NDUFA13: variants seen among roughly 807,000 people sequenced by gnomAD.
The protein encoded by NDUFA13 is NADH dehydrogenase [ubiquinone] 1 alpha subcomplex subunit 13.
NDUFA13 carries 16 observed loss-of-function variants against 17.0 expected under a neutral mutation model. The ratio of observed to expected loss-of-function variants is 0.94; its 90% CI spans 0.64 to 1.43. The LOEUF is 1.43. NDUFA13 is among the 40% of genes most tolerant of loss of function. The pLI is 0.00. For synonymous variants in NDUFA13, 87 were observed against 78.4 expected, an observed-to-expected ratio of 1.11 and a Z score of -0.58; for missense variants, 228 against 206.7, an observed-to-expected ratio of 1.10 and a Z score of -0.63.
chr19:19,520,839 A>G (rs1210003798), intron 1 of NDUFA13, among the ~76,000 whole-genome samples: 3 of 152,088 alleles, frequency 2.0e-5, no homozygotes, highest in East Asian at 1.9e-4. Context: ...GCCATTTCCT[A>G]TCAGTGAAGT....
chr19:19,516,302 A>T lies in NDUFA13; in HGVS notation c.64A>T (p.Lys22Ter). The change falls in exon 1 of 5, where the codon AAA becomes TAA. Residue 22 changes from lysine (K) to a stop codon, truncating the protein, a stop_gained. Transcript: ENST00000507754. LOFTEE classifies it high-confidence loss of function. ...PPGGYGPIDY[K>*]RNLPRRGLSG... ...GGGGGGCTATGGGCCCATCGACTACAAACGGAACTTGCCGCGTCGAGGACT... is the reference window on the plus strand; with the variant it reads ...GGGGGGCTATGGGCCCATCGACTACTAACGGAACTTGCCGCGTCGAGGACT... 1 of 1,613,804 alleles carries T rather than the reference A, an allele frequency of 6.2e-7. No individual in the cohort carries two copies. The highest frequency in any genetic ancestry group is 8.5e-7 in the Non-Finnish European group (1 of 1,180,026).
chr19:19,527,618 T>C, intron 3 of NDUFA13, 83 bp from the exon 4 acceptor site: 1 of 1,160,866 alleles, frequency 8.6e-7, no homozygotes, highest in Non-Finnish European at 1.3e-6. Context: ...GAGGGAGGCT[T>C]GAAGGGGTGC....
At chr19:19,522,478 T>C (rs1324056324) in intron 1 of NDUFA13, among the ~76,000 whole-genome samples, 1 of 73,088 alleles carries the variant, frequency 1.4e-5, no homozygotes, top group Non-Finnish European at 2.7e-5. Context: ...TCTTTGATCC[T>C]TTTTTTTTTT....
At chr19:19,527,659 G>A (rs1340325688) in intron 3 of NDUFA13, 42 bp from the exon 4 acceptor site, 1 of 1,503,152 alleles carries the variant, frequency 6.7e-7, no homozygotes, top group Non-Finnish European at 9.1e-7. Flanking sequence ...GGCCCCTCAG[G>A]GCACTGAGGC....
In NDUFA13 at chr19:19,527,727, TGGA is replaced by T. The variant is rs1330152578; in HGVS notation, c.281_283del (p.Glu94del). The T allele has an allele frequency of 1.3e-6, 2 of 1,552,510 alleles. No individual in the cohort carries two copies. The highest frequency in any genetic ancestry group is 1.4e-5 in the African/African-American group (1 of 73,244). On this transcript the variant is annotated inframe_deletion, in exon 4 of 5. Transcript: ENST00000507754. ...ACCTTGCAGATGCTTCGGGAGAACC[TGGA>T]GGAGGAGGCCATCATCATGAAGGAC...
chr19:19,519,465 G>A (rs1185764676), intron 1 of NDUFA13, among the ~76,000 whole-genome samples: 1 of 152,126 alleles, frequency 6.6e-6, no homozygotes, highest in Non-Finnish European at 1.5e-5. Context: ...TAATGGTGTG[G>A]ACTTTTGTTA....
At chr19:19,518,848 T>G (rs1440158324) in intron 1 of NDUFA13, among the ~76,000 whole-genome samples, 1 of 149,354 alleles carries the variant, frequency 6.7e-6, no homozygotes, top group East Asian at 2.0e-4. Flanking sequence ...GTTTAAGCGA[T>G]TCTCCTGTCT....
At chr19:19,523,311 C>T (rs1015667042) in intron 1 of NDUFA13, among the ~76,000 whole-genome samples, 10 of 152,336 alleles carry the variant, frequency 6.6e-5, no homozygotes, top group South Asian at 2.1e-4. Context: ...TGGCCAAGGC[C>T]GGGCTCAGTG....
At chr19:19,516,827 G>C (rs1285596090) in intron 1 of NDUFA13, among the ~76,000 whole-genome samples, 2 of 151,700 alleles carry the variant, frequency 1.3e-5, no homozygotes, top group Non-Finnish European at 2.9e-5. Flanking sequence ...TGCTCTTGTT[G>C]CCCAGGCTGG....
chr19:19,527,518 A>G (rs1455675013), intron 3 of NDUFA13, 166 bp downstream of exon 3: 17 of 993,002 alleles, frequency 1.7e-5, no homozygotes, highest in Non-Finnish European at 2.5e-5. Flanking sequence ...CAAGGGGGCG[A>G]ACCGGAAGGC....
chr19:19,517,313 C>G (rs2061054360), intron 1 of NDUFA13, among the ~76,000 whole-genome samples: 1 of 151,600 alleles, frequency 6.6e-6, no homozygotes, highest in Non-Finnish European at 1.5e-5. Flanking sequence ...ACCTCCGCCT[C>G]CTGGGCTCAA....
At chr19:19,523,757 G>A (rs950390204) in intron 1 of NDUFA13, among the ~76,000 whole-genome samples, 4 of 152,088 alleles carry the variant, frequency 2.6e-5, no homozygotes, top group Non-Finnish European at 5.9e-5. Context: ...GTGAAACCTC[G>A]TCTCTACTAA....
chr19:19,522,407 TCA>T (rs1459463522), intron 1 of NDUFA13, among the ~76,000 whole-genome samples: 4 of 151,222 alleles, frequency 2.6e-5, no homozygotes, highest in Non-Finnish European at 5.9e-5. Flanking sequence ...TAGTTTGAGG[TCA>T]CAGAGAGTGA....
chr19:19,526,183 C>T lies in NDUFA13; in HGVS notation c.96C>T (p.Gly32=). The T allele has an allele frequency of 6.2e-7, 1 of 1,613,912 alleles. No homozygotes were observed. Among genetic ancestry groups the T allele is most frequent in the Non-Finnish European group, 8.5e-7 (1 of 1,179,970 alleles). ...KRNLPRRGLS[G]YSMLAIGIGT... is the part of the protein sequence containing the mutation. ...GCTGAGCAGCGCCTCTCTTCACAGGCTACAGCATGCTGGCCATAGGGATTG... is the reference window on the plus strand; with the variant it reads ...GCTGAGCAGCGCCTCTCTTCACAGGTTACAGCATGCTGGCCATAGGGATTG... The change falls in exon 2 of 5, where the codon GGC becomes GGT. Residue 32 remains glycine, a splice_region_variant and synonymous_variant. Coordinates refer to ENST00000507754, the MANE Select transcript of NDUFA13 (RefSeq NM_015965.7).
chr19:19,523,364 A>G (rs1031485267), intron 1 of NDUFA13, among the ~76,000 whole-genome samples: 5 of 152,162 alleles, frequency 3.3e-5, no homozygotes, highest in East Asian at 3.8e-4. Flanking sequence ...CTGAGGTGGG[A>G]GGATTGCTTG....
rs1045331077 is a variant in NDUFA13 at position 19,528,044 on chromosome 19, C to T, written c.353C>T (p.Pro118Leu). The T allele has an allele frequency of 1.2e-6, 2 of 1,612,538 alleles. No individual in the cohort carries two copies. The highest frequency in any genetic ancestry group is 3.3e-5 in the Admixed American group (2 of 59,988). ...GTGTTCCACACAACCCGCTGGGTGC[C>T]CCCCTTGATCGGGGAGCTGTACGGG... The part of the protein sequence containing the change: ...ESVFHTTRWV[P>L]PLIGELYGLR... The change falls in exon 5 of 5, where the codon CCC (proline) becomes CTC (leucine). Residue 118 changes from proline (P) to leucine (L), a missense_variant. Pro to Leu is a moderately conservative substitution (Grantham distance 98, BLOSUM62 -3). Transcript: ENST00000507754.
chr19:19,527,287 A>G lies in NDUFA13; in HGVS notation c.180A>G (p.Leu60=), dbSNP rs1276611031. 6.2e-7 allele frequency: 1 copy of G among 1,613,922 alleles called. No homozygotes were observed. The highest frequency in any genetic ancestry group is 8.5e-7 in the Non-Finnish European group (1 of 1,180,000). The change falls in exon 3 of 5, where the codon CTA becomes CTG. Residue 60 remains leucine (L), a synonymous_variant. Transcript: ENST00000507754. ...GGGTTTCGGGCTTTCACAGGCGCCTACAAATCGAGGACTTCGAGGCTCGCA... is the reference window on the plus strand; with the variant it reads ...GGGTTTCGGGCTTTCACAGGCGCCTGCAAATCGAGGACTTCGAGGCTCGCA... ...IMKWNRERRR[L]QIEDFEARIA...
In NDUFA13 at chr19:19,528,013, G is replaced by A. The variant is rs1481508394; in HGVS notation, c.322G>A (p.Glu108Lys). The A allele has an allele frequency of 1.9e-6, 3 of 1,612,610 alleles. No homozygotes were observed. Among genetic ancestry groups the A allele is most frequent in the Non-Finnish European group, 2.5e-6 (3 of 1,179,970 alleles). The change falls in exon 5 of 5, where the codon GAG becomes AAG. Residue 108 changes from glutamate to lysine, a missense_variant. Physicochemically the swap from Glu to Lys is moderately conservative, Grantham distance 56. Coordinates refer to ENST00000507754, the MANE Select transcript of NDUFA13 (RefSeq NM_015965.7). ...TACCCCACTGTCCCCACAGGTGGGG[G>A]AGTCTGTGTTCCACACAACCCGCTG... Reference protein sequence around the residue: ...MKDVPDWKVGESVFHTTRWVP... With the variant: ...MKDVPDWKVGKSVFHTTRWVP...
At chr19:19,521,192 A>C (rs1186986832) in intron 1 of NDUFA13, among the ~76,000 whole-genome samples, 1 of 152,030 alleles carries the variant, frequency 6.6e-6, no homozygotes, top group Non-Finnish European at 1.5e-5. Context: ...TCTCAACAAC[A>C]CTGATTATTT....
Sources: gnomAD v4.1 joint callset for allele counts (sites outside exome capture counted in the v4.1 genomes callset) on GRCh38, gnomAD v4.1.1 for gene constraint, MANE v1.5 for transcripts, NCBI Gene and HGNC (gene_info 2026-07-23, HGNC 2026-07-21) for gene names.